Variants in MAP4K3 observed in about 807,000 individuals in gnomAD.
MAP4K3 encodes MAPK/ERK kinase kinase kinase 3.
Under a neutral mutation model 143.5 loss-of-function variants are expected in MAP4K3, and 94 were observed. The ratio of observed to expected loss-of-function variants is 0.65; its 90% CI spans 0.55 to 0.78. The LOEUF is 0.78. Among genes scored for constraint, MAP4K3 ranks in the 30% least tolerant of loss-of-function variants. MAP4K3 has a pLI of 0.00. For synonymous variants in MAP4K3, 416 were observed against 347.2 expected (o/e 1.20, Z -2.20); for missense variants, 1,077 against 1,068.1 (o/e 1.01, Z -0.12).
intron 1 of MAP4K3, among the ~76,000 whole-genome samples, chr2:39,403,747 C>T (rs1001281398): frequency 7.3e-5 from 11 of 151,712 alleles, no homozygotes; most frequent in African/African-American, 2.2e-4. Flanking sequence ...GCTATTATGA[C>T]ACCAGCCAGG....
Position 39,258,261 on chromosome 2 carries a change from A to G in MAP4K3, c.2470+87T>C, listed in dbSNP as rs1680426845. 12 of 928,682 alleles carry G rather than the reference A, an allele frequency of 1.3e-5. No homozygotes were observed. The South Asian group carries it at 1.6e-4, about 13-fold the overall frequency. 57.5% of individuals were successfully genotyped at this position (928,682 alleles called of 1,614,324 possible). ...CCTTTATTTTAAAAAAAGAATCTTAATAATATCAATCTTTAATTTTGGATA... is the reference window on the plus strand; with the variant it reads ...CCTTTATTTTAAAAAAAGAATCTTAGTAATATCAATCTTTAATTTTGGATA... On this transcript the variant is annotated intron_variant, in intron 31 of 33. Transcript: ENST00000263881.
intron 32 of MAP4K3, among the ~76,000 whole-genome samples, chr2:39,253,466 G>C (rs1247129933): frequency 6.6e-6 from 1 of 152,108 alleles, no homozygotes; most frequent in Non-Finnish European, 1.5e-5. Context: ...TATAGGTCAG[G>C]AACCAGGCCA....
intron 12 of MAP4K3, among the ~76,000 whole-genome samples, chr2:39,321,149 C>G (rs1050071380): frequency 9.9e-5 from 15 of 152,202 alleles, no homozygotes; most frequent in African/African-American, 3.6e-4. Context: ...AAGCATTATT[C>G]TTCATTTCTG....
rs1050405855 is a variant in MAP4K3, at chr2:39,373,876, G to A, written c.154+4190C>T. Among the ~76,000 whole-genome samples, 4 of 152,258 alleles carry A rather than the reference G, an allele frequency of 2.6e-5. No homozygotes were observed. The South Asian group carries it at 8.3e-4, about 32-fold the overall frequency. Reference sequence around the variant, plus strand: ...AATTAGAAAGAATGAATAAGCCCTAGTATTTGCAAGCACAACAGGGTGACT... The same window carrying A: ...AATTAGAAAGAATGAATAAGCCCTAATATTTGCAAGCACAACAGGGTGACT... On this transcript the variant is annotated intron_variant, in intron 2 of 33. Coordinates refer to ENST00000263881, the MANE Select transcript of MAP4K3 (RefSeq NM_003618.4).
At chr2:39,326,700 G>GA (rs1343366812) in intron 8 of MAP4K3, among the ~76,000 whole-genome samples, 1 of 152,094 alleles carries the variant, frequency 6.6e-6, no homozygotes. Context: ...ATCTCATCTC[G>GA]AACTGTAATC....
chr2:39,384,862 T>C (rs371887547), intron 1 of MAP4K3, among the ~76,000 whole-genome samples: 4 of 152,264 alleles, frequency 2.6e-5, no homozygotes, highest in East Asian at 1.9e-4. Flanking sequence ...ACCACCACCA[T>C]CAGGAAATAA....
At chr2:39,392,145 A>C (rs1666680467) in intron 1 of MAP4K3, among the ~76,000 whole-genome samples, 1 of 121,602 alleles carries the variant, frequency 8.2e-6, no homozygotes, top group African/African-American at 3.1e-5. Context: ...AGATTGCACC[A>C]CTCCACTCCA....
chr2:39,427,185 A>G (rs1248748050), intron 1 of MAP4K3, among the ~76,000 whole-genome samples: 1 of 152,048 alleles, frequency 6.6e-6, no homozygotes, highest in Non-Finnish European at 1.5e-5. Flanking sequence ...AAGTGCTGAG[A>G]AAAAAACAAC....
intron 3 of MAP4K3, among the ~76,000 whole-genome samples, chr2:39,354,336 C>T (rs1347686289): frequency 6.6e-6 from 1 of 151,946 alleles, no homozygotes; most frequent in Non-Finnish European, 1.5e-5. Context: ...CCCAGCTACT[C>T]GGAAGGTGAG....
At chr2:39,250,765 C>T (rs1367109370) in intron 33 of MAP4K3, 60 bp from the exon 34 acceptor site, 1 of 1,366,318 alleles carries the variant, frequency 7.3e-7, no homozygotes, top group Non-Finnish European at 1.0e-6. Context: ...AATGTTAGCT[C>T]CCAAATTTTC....
At chr2:39,402,299 C>G (rs1388328821) in intron 1 of MAP4K3, among the ~76,000 whole-genome samples, 1 of 152,058 alleles carries the variant, frequency 6.6e-6, no homozygotes, top group Non-Finnish European at 1.5e-5. Flanking sequence ...GGGATAACTT[C>G]AAGTAGACTA....
intron 4 of MAP4K3, among the ~76,000 whole-genome samples, chr2:39,341,948 T>C (rs1049920946): frequency 2.0e-5 from 3 of 151,856 alleles, no homozygotes; most frequent in Admixed American, 6.6e-5. Context: ...AAAGTAACTT[T>C]TCATAAAGCA....
chr2:39,272,849 A>C (rs1446958616), intron 24 of MAP4K3, among the ~76,000 whole-genome samples: 3 of 152,076 alleles, frequency 2.0e-5, no homozygotes, highest in Non-Finnish European at 4.4e-5. Context: ...TTCAAACAAC[A>C]TCTATTCCTT....
intron 2 of MAP4K3, among the ~76,000 whole-genome samples, chr2:39,374,789 C>T (rs1666174711): frequency 6.6e-6 from 1 of 152,072 alleles, no homozygotes; most frequent in African/African-American, 2.4e-5. Context: ...CACATTTAAA[C>T]AATTTGGTCA....
chr2:39,275,217 T>A (rs1232103683), intron 24 of MAP4K3, among the ~76,000 whole-genome samples: 1 of 152,180 alleles, frequency 6.6e-6, no homozygotes, highest in Non-Finnish European at 1.5e-5. Context: ...CCAGGCCTGG[T>A]GACTCACACC....
chr2:39,271,667 C>T (rs185526333), intron 26 of MAP4K3, among the ~76,000 whole-genome samples: 3 of 152,358 alleles, frequency 2.0e-5, no homozygotes, highest in South Asian at 4.1e-4. Context: ...TCATAGCTCA[C>T]TGCAGTCTCA....
intron 2 of MAP4K3, among the ~76,000 whole-genome samples, chr2:39,364,397 G>C (rs1328828306): frequency 1.3e-5 from 2 of 152,188 alleles, no homozygotes; most frequent in Non-Finnish European, 2.9e-5. Context: ...GGTATCATGT[G>C]ACGTGTTTTT....
At chr2:39,261,075 C>T in intron 28 of MAP4K3, 1 of 260,782 alleles carries the variant, frequency 3.8e-6, no homozygotes, top group Non-Finnish European at 7.3e-6. Flanking sequence ...AACTGGGTGA[C>T]CAGCCCATGG....
chr2:39,415,359 T>C (rs762025991), intron 1 of MAP4K3, among the ~76,000 whole-genome samples: 5 of 152,126 alleles, frequency 3.3e-5, no homozygotes, highest in African/African-American at 7.2e-5. Context: ...GCAAAATCCT[T>C]TTGCACTTAT....
Sources: gnomAD v4.1 joint callset for allele counts (sites outside exome capture counted in the v4.1 genomes callset) on GRCh38, gnomAD v4.1.1 for gene constraint, MANE v1.5 for transcripts, NCBI Gene and HGNC (gene_info 2026-07-23, HGNC 2026-07-21) for gene names.